Variants in PTPRK observed in about 807,000 individuals in gnomAD.
PTPRK encodes the protein receptor-type tyrosine-protein phosphatase kappa.
A neutral mutation model predicts 178.0 loss-of-function variants in PTPRK; 75 were observed. The ratio of observed to expected loss-of-function variants is 0.42; its 90% CI spans 0.35 to 0.51. The LOEUF (loss-of-function observed/expected upper bound fraction) is 0.51. PTPRK is among the 20% of genes least tolerant of loss of function. The pLI is 0.02. For missense variants in PTPRK, 1,441 were observed against 1,797.8 expected (o/e 0.80, Z 3.59); for synonymous variants, 637 against 620.6 (o/e 1.03, Z -0.39).
chr6:128,467,172 T>C (rs1028203017), intron 1 of PTPRK, among the ~76,000 whole-genome samples: 4 of 151,994 alleles, frequency 2.6e-5, no homozygotes, highest in Admixed American at 6.5e-5. Context: ...GCTAATTTTT[T>C]TGTATTTTTT....
chr6:128,108,140 T>G (rs1790043550), intron 7 of PTPRK, among the ~76,000 whole-genome samples: 1 of 151,308 alleles, frequency 6.6e-6, no homozygotes, highest in Admixed American at 6.6e-5. Flanking sequence ...GAATTAGTTA[T>G]TCCTAAAGCA....
chr6:128,414,346 C>T (rs923603878), intron 1 of PTPRK, among the ~76,000 whole-genome samples: 2 of 152,150 alleles, frequency 1.3e-5, no homozygotes, highest in South Asian at 2.1e-4. Flanking sequence ...GTCTCCATCG[C>T]GGGACCCCTT....
intron 13 of PTPRK, among the ~76,000 whole-genome samples, chr6:128,024,118 C>A (rs1452902752): frequency 6.6e-6 from 1 of 152,184 alleles, no homozygotes; most frequent in Non-Finnish European, 1.5e-5. Flanking sequence ...TATTCCAAGT[C>A]ATCACAGTAA....
rs773034075 is a variant in PTPRK at position 127,998,723 on chromosome 6, A to G, written c.2676T>C (p.Tyr892=). 19 of 1,569,706 alleles carry G rather than the reference A, an allele frequency of 1.2e-5. No individual in the cohort carries two copies. Among genetic ancestry groups the G allele is most frequent in the Admixed American group, 1.8e-5 (1 of 54,622 alleles). Residue 892 remains tyrosine, a synonymous_variant, in exon 16 of 30, where the codon TAT becomes TAC. Coordinates refer to ENST00000368226, the MANE Select transcript of PTPRK (RefSeq NM_002844.4). ...TSDSYGFKEE[Y]ESFFEGQSAS... ...TACAGTATCAAAACTTATTCACCTC[A>G]TATTCCTCTTTGAACCCATAGCTGT...
At chr6:127,972,489 C>T (rs9482851) in intron 29 of PTPRK, among the ~76,000 whole-genome samples, 19,219 of 152,206 alleles carry the variant, frequency 0.13, 1,283 homozygotes, top group Non-Finnish European at 0.15. Flanking sequence ...TCTGACTTTA[C>T]GAGCCTTGAC....
At chr6:128,239,928 C>T in intron 5 of PTPRK, 107 bp downstream of exon 5, 1 of 758,714 alleles carries the variant, frequency 1.3e-6, no homozygotes. Context: ...TGCGTGTGCA[C>T]ACGCACACAC....
chr6:128,177,738 A>G (rs1801287703), intron 7 of PTPRK, among the ~76,000 whole-genome samples: 1 of 151,804 alleles, frequency 6.6e-6, no homozygotes, highest in Admixed American at 6.6e-5. Flanking sequence ...TATTTGTTCA[A>G]CTTTCATGAC....
intron 2 of PTPRK, among the ~76,000 whole-genome samples, chr6:128,338,069 A>G (rs1831181071): frequency 6.6e-6 from 1 of 152,172 alleles, no homozygotes; most frequent in Admixed American, 6.5e-5. Flanking sequence ...TAAATGTTAT[A>G]GTTAAACACA....
intron 7 of PTPRK, among the ~76,000 whole-genome samples, chr6:128,164,081 T>A (rs1253236981): frequency 6.6e-6 from 1 of 151,468 alleles, no homozygotes; most frequent in Non-Finnish European, 1.5e-5. Context: ...CCTTCTCATT[T>A]TCTTCTAGAA....
intron 6 of PTPRK, among the ~76,000 whole-genome samples, chr6:128,185,758 C>T (rs988577433): frequency 2.6e-5 from 4 of 152,020 alleles, no homozygotes; most frequent in Non-Finnish European, 4.4e-5. Context: ...ACTACAGGTA[C>T]GGGGTGGACT....
At chr6:128,063,535 C>T (rs1336538158) in intron 13 of PTPRK, 1 of 152,104 alleles carries the variant, frequency 6.6e-6, no homozygotes, top group Non-Finnish European at 1.5e-5. Context: ...TCTGGAAAAA[C>T]ACAGGTGATA....
intron 7 of PTPRK, among the ~76,000 whole-genome samples, chr6:128,138,245 T>C (rs779406960): frequency 3.3e-5 from 5 of 152,168 alleles, no homozygotes; most frequent in Non-Finnish European, 7.4e-5. Context: ...AATTTCATCA[T>C]GCCTAGTAGA....
chr6:128,404,652 G>A (rs2128374091), intron 1 of PTPRK, among the ~76,000 whole-genome samples: 1 of 152,308 alleles, frequency 6.6e-6, no homozygotes, highest in African/African-American at 2.4e-5. Context: ...GGGCAGCTCT[G>A]CCAATAAGTA....
intron 3 of PTPRK, among the ~76,000 whole-genome samples, chr6:128,281,235 G>A (rs904340013): frequency 5.3e-5 from 8 of 152,186 alleles, no homozygotes; most frequent in Admixed American, 4.6e-4. Context: ...TGAGAACAGG[G>A]CCAGCCAGAT....
chr6:128,354,500 G>A (rs1562342767), intron 2 of PTPRK, among the ~76,000 whole-genome samples: 1 of 151,984 alleles, frequency 6.6e-6, no homozygotes, highest in African/African-American at 2.4e-5. Flanking sequence ...CTCCCAAAGT[G>A]CTGGGATTAC....
intron 1 of PTPRK, among the ~76,000 whole-genome samples, chr6:128,417,323 G>C (rs537929570): frequency 6.6e-6 from 1 of 152,242 alleles, no homozygotes; most frequent in East Asian, 1.9e-4. Flanking sequence ...AGACAACAGA[G>C]TACTAATTGT....
chr6:128,213,573 T>C (rs1808650920), intron 6 of PTPRK, among the ~76,000 whole-genome samples: 1 of 152,010 alleles, frequency 6.6e-6, no homozygotes, highest in Non-Finnish European at 1.5e-5. Context: ...AGAAAAGGGA[T>C]CTCAAGTCAC....
intron 6 of PTPRK, among the ~76,000 whole-genome samples, chr6:128,208,569 G>A (rs1474112989): frequency 6.6e-6 from 1 of 152,026 alleles, no homozygotes; most frequent in Non-Finnish European, 1.5e-5. Flanking sequence ...GTTTTTATAT[G>A]CAGATAATGT....
At chr6:128,212,263 C>T (rs867934615) in intron 6 of PTPRK, among the ~76,000 whole-genome samples, 1 of 151,848 alleles carries the variant, frequency 6.6e-6, no homozygotes. Context: ...TTATTGAATA[C>T]TTAACATCAT....
Sources: gnomAD v4.1 joint callset for allele counts (sites outside exome capture counted in the v4.1 genomes callset) on GRCh38, gnomAD v4.1.1 for gene constraint, MANE v1.5 for transcripts, NCBI Gene and HGNC (gene_info 2026-07-23, HGNC 2026-07-21) for gene names.